The following SEPTIN10 variants were observed in gnomAD, a reference collection of about 807,000 sequenced individuals.
The protein encoded by SEPTIN10 is septin-10.
In SEPTIN10, 66 loss-of-function variants were observed where a neutral mutation model predicts 54.8. The observed-to-expected ratio is 1.21, with a 90% confidence interval of 0.99 to 1.48. The LOEUF (loss-of-function observed/expected upper bound fraction) is 1.48. SEPTIN10 is among the 40% of genes most tolerant of loss of function. SEPTIN10 has a pLI of 0.00. For synonymous variants in SEPTIN10, 161 were observed against 181.0 expected, an observed-to-expected ratio of 0.89 and a Z score of 0.89; for missense variants, 620 against 545.6, an observed-to-expected ratio of 1.14 and a Z score of -1.36.
chr2:109,548,643 G>C (rs558515950), intron 9 of SEPTIN10, among the ~76,000 whole-genome samples: 1 of 152,218 alleles, frequency 6.6e-6, no homozygotes, highest in Non-Finnish European at 1.5e-5. Context: ...AGGTGTGGCA[G>C]TGTGCGCCTG....
At chr2:109,586,054 G>GA (rs1692462665) in intron 2 of SEPTIN10, among the ~76,000 whole-genome samples, 1 of 152,078 alleles carries the variant, frequency 6.6e-6, no homozygotes, top group Non-Finnish European at 1.5e-5. Context: ...TTCATACAAC[G>GA]AGAGTCTAGC....
intron 8 of SEPTIN10, among the ~76,000 whole-genome samples, chr2:109,556,865 T>C (rs1684492804): frequency 6.6e-6 from 1 of 152,150 alleles, no homozygotes; most frequent in South Asian, 2.1e-4. Context: ...TTCATGTCCT[T>C]TGTAGGGACA....
At chr2:109,597,736 T>C (rs904268128) in intron 1 of SEPTIN10, among the ~76,000 whole-genome samples, 2 of 152,190 alleles carry the variant, frequency 1.3e-5, no homozygotes, top group South Asian at 2.1e-4. Flanking sequence ...TTTTAAAAAG[T>C]TGTATTATCT....
Position 109,604,330 on chromosome 2 carries a change from G to A in SEPTIN10, c.30+9468C>T, listed in dbSNP as rs184211231. Among the ~76,000 whole-genome samples, 727 of 111,298 alleles carry A rather than the reference G, an allele frequency of 6.5e-3. 9 individuals carry two copies. The South Asian group carries it at 0.071, about 11-fold the overall frequency. 73.0% of individuals were successfully genotyped at this position (111,298 alleles called of 152,430 possible). On this transcript the variant is annotated intron_variant, in intron 1 of 10. Coordinates refer to ENST00000397712, the MANE Select transcript of SEPTIN10 (RefSeq NM_144710.5). ...TGCACTCCAGCCTGGGTGACAGAGC[G>A]GGACCCCATAGAAAGAAAGAAAGAA... is the stretch of plus-strand genomic sequence containing the variant.
chr2:109,556,056 T>C (rs184448203), intron 8 of SEPTIN10, among the ~76,000 whole-genome samples: 2 of 152,336 alleles, frequency 1.3e-5, no homozygotes, highest in Admixed American at 1.3e-4. Context: ...CAGAGCTCTC[T>C]AGACATTTCA....
At chr2:109,544,953 A>G in intron 10 of SEPTIN10, 1 of 984,996 alleles carries the variant, frequency 1.0e-6, no homozygotes, top group Non-Finnish European at 1.2e-6. Flanking sequence ...AAACAAAAAT[A>G]CCTGTAAAAT....
At chr2:109,545,197 G>T in intron 10 of SEPTIN10, 1 of 985,384 alleles carries the variant, frequency 1.0e-6, no homozygotes, top group Non-Finnish European at 1.2e-6. Flanking sequence ...AACTGAGGCA[G>T]AGTCCCCCAA....
chr2:109,590,160 A>G (rs1044653196), intron 2 of SEPTIN10, among the ~76,000 whole-genome samples: 2 of 151,862 alleles, frequency 1.3e-5, no homozygotes, highest in African/African-American at 4.8e-5. Context: ...GTAATGACAG[A>G]CTATTGAGAG....
Position 109,565,769 on chromosome 2 carries a change from C to T in SEPTIN10, c.853G>A (p.Val285Ile), listed in dbSNP as rs907560008. 2 of 1,613,358 alleles carry T rather than the reference C, an allele frequency of 1.2e-6. No individual in the cohort carries two copies. Among genetic ancestry groups the T allele is most frequent in the Non-Finnish European group, 8.5e-7 (1 of 1,179,398 alleles). The change falls in exon 7 of 11, where the codon GTA becomes ATA. Residue 285 changes from valine (V) to isoleucine (I), a missense_variant. Physicochemically the swap from Val to Ile is conservative, Grantham distance 29 (BLOSUM62 3). Transcript: ENST00000397712. ...CATCCTTTGTCTCATTTACCTTGTA[C>T]AACACCCCAAGGGTACTGGCGAGCT... ...VKARQYPWGVVQVENENHCDF... is the reference protein window; with the variant it reads ...VKARQYPWGVIQVENENHCDF...
chr2:109,567,565 T>A (rs935455923), intron 6 of SEPTIN10, among the ~76,000 whole-genome samples: 2 of 152,156 alleles, frequency 1.3e-5, no homozygotes, highest in Non-Finnish European at 2.9e-5. Context: ...TATATCCCAG[T>A]CTCACAAATC....
chr2:109,601,598 G>C (rs2106162217), intron 1 of SEPTIN10, among the ~76,000 whole-genome samples: 1 of 152,086 alleles, frequency 6.6e-6, no homozygotes, highest in South Asian at 2.1e-4. Context: ...TCTCTTATTA[G>C]TAAGAGCTGC....
chr2:109,570,027 CA>C (rs149444058), intron 5 of SEPTIN10, among the ~76,000 whole-genome samples: 3 of 147,156 alleles, frequency 2.0e-5, no homozygotes, highest in African/African-American at 7.5e-5. Flanking sequence ...ACTGCCCCTA[CA>C]AAAAAAAAAC....
rs1437836567 is a variant in SEPTIN10, at chr2:109,565,745, ATCCTTTG to A, written c.859+11_859+17del. The A allele has an allele frequency of 6.3e-7, 1 of 1,596,660 alleles. No individual in the cohort carries two copies. Among genetic ancestry groups the A allele is most frequent in the South Asian group, 1.1e-5 (1 of 90,696 alleles). On this transcript the variant is annotated intron_variant, in intron 7 of 10. Transcript: ENST00000397712. The stretch of plus-strand genomic sequence containing the variant: ...ACTAGATAGATACATATTTCTAGTC[ATCCTTTG>A]TCTCATTTACCTTGTACAACACCCC...
chr2:109,572,161 C>T (rs778441837), intron 5 of SEPTIN10, among the ~76,000 whole-genome samples: 41 of 152,196 alleles, frequency 2.7e-4, no homozygotes, highest in South Asian at 1.2e-3. Flanking sequence ...GATGGAGTCT[C>T]GCTCTGTCGC....
intron 1 of SEPTIN10, among the ~76,000 whole-genome samples, chr2:109,605,882 T>C (rs1697825093): frequency 6.6e-6 from 1 of 152,184 alleles, no homozygotes; most frequent in African/African-American, 2.4e-5. Context: ...GAAGAAGAGT[T>C]AGCATGACAT....
At chr2:109,570,521 T>C (rs1466578257) in intron 5 of SEPTIN10, among the ~76,000 whole-genome samples, 1 of 135,146 alleles carries the variant, frequency 7.4e-6, no homozygotes, top group African/African-American at 2.5e-5. Context: ...ATTTACATTG[T>C]ATCAGGTTTT....
intron 9 of SEPTIN10, 112 bp from the exon 10 acceptor site, chr2:109,546,349 C>T (rs562368355): frequency 7.2e-6 from 4 of 555,932 alleles, no homozygotes; most frequent in African/African-American, 1.9e-5. Context: ...ATAACCTACA[C>T]AGTCAAAATC....
At chr2:109,583,684 C>T (rs1248895171) in intron 4 of SEPTIN10, among the ~76,000 whole-genome samples, 2 of 152,124 alleles carry the variant, frequency 1.3e-5, no homozygotes, top group Admixed American at 6.5e-5. Flanking sequence ...GACACATGTA[C>T]TCATATGTTT....
intron 1 of SEPTIN10, among the ~76,000 whole-genome samples, chr2:109,604,466 C>T (rs543044203): frequency 3.2e-4 from 48 of 148,408 alleles, no homozygotes; most frequent in African/African-American, 1.1e-3. Context: ...GTGGCTGAGG[C>T]CTGTAATCCT....
Sources: allele counts gnomAD v4.1 joint callset (sites outside exome capture counted in the v4.1 genomes callset), GRCh38; gene constraint gnomAD v4.1.1; transcripts MANE v1.5; gene names NCBI Gene and HGNC (gene_info 2026-07-23, HGNC 2026-07-21).